MRC1: variants seen among roughly 807,000 people sequenced by gnomAD.
The protein encoded by MRC1 is macrophage mannose receptor 1.
Under a neutral mutation model 102.9 loss-of-function variants are expected in MRC1, and 62 were observed. That is an observed-to-expected ratio of 0.60 (90% confidence interval 0.49 to 0.74). The LOEUF (loss-of-function observed/expected upper bound fraction) is 0.74, where lower values mean the gene tolerates loss of function less well. Ranked by LOEUF, MRC1 falls within the 30% of genes least tolerant of loss-of-function variation. The pLI is 0.00. For missense variants in MRC1, 1,237 were observed against 862.8 expected (o/e 1.43, Z -5.43); for synonymous variants, 457 against 298.4 (o/e 1.53, Z -5.48).
chr10:17,814,343 AT>A (rs1838273185), intron 1 of MRC1, among the ~76,000 whole-genome samples: 6 of 152,238 alleles, frequency 3.9e-5, no homozygotes, highest in African/African-American at 1.4e-4. Flanking sequence ...CTTTATCTGT[AT>A]CAATTTTTTT....
At chr10:17,851,545 T>C (rs966331862) in intron 7 of MRC1, among the ~76,000 whole-genome samples, 4 of 152,312 alleles carry the variant, frequency 2.6e-5, no homozygotes, top group African/African-American at 7.2e-5. Flanking sequence ...TCACATCTTA[T>C]ATATTTTTCT....
intron 22 of MRC1, among the ~76,000 whole-genome samples, chr10:17,891,800 C>T (rs964390695): frequency 6.6e-6 from 1 of 152,146 alleles, no homozygotes; most frequent in Non-Finnish European, 1.5e-5. Context: ...CTCCTAAAGA[C>T]TTCTGAAATA....
Position 17,878,676 on chromosome 10 carries a change from T to C in MRC1, c.2618+709T>C, listed in dbSNP as rs973371563. Among the ~76,000 whole-genome samples, 10 of 152,158 alleles carry C rather than the reference T, an allele frequency of 6.6e-5. No individual in the cohort carries two copies. The East Asian group carries it at 1.9e-3, about 29-fold the overall frequency. On this transcript the variant is annotated intron_variant, in intron 18 of 29. Transcript: ENST00000569591. ...TTCAAGGTCATTATTTTTATTATTATTATTTGAGAAAGGTCTTGCTCTGTT... is the reference window on the plus strand; with the variant it reads ...TTCAAGGTCATTATTTTTATTATTACTATTTGAGAAAGGTCTTGCTCTGTT...
intron 26 of MRC1, among the ~76,000 whole-genome samples, chr10:17,902,642 A>G (rs1472686625): frequency 4.6e-5 from 7 of 152,184 alleles, no homozygotes; most frequent in African/African-American, 1.7e-4. Flanking sequence ...CCCGTTAAAT[A>G]TTTTACTGAA....
At position 17,827,372 on chromosome 10, in the gene MRC1, C is replaced by CAAAAAAAAAAAAAAAAAAA. The variant is rs782616938; in HGVS notation, c.464-150_464-132dup. Among the ~76,000 whole-genome samples, 6 of 64,028 alleles carry CAAAAAAAAAAAAAAAAAAA rather than the reference C, an allele frequency of 9.4e-5. 2 individuals are homozygous for CAAAAAAAAAAAAAAAAAAA. The highest frequency in any genetic ancestry group is 1.1e-3 in the South Asian group (2 of 1,790). 42.0% of individuals were successfully genotyped at this position (64,028 alleles called of 152,430 possible). The stretch of plus-strand genomic sequence containing the variant: ...TAGAAGGAGAAGGAAAAAAAATACC[C>CAAAAAAAAAAAAAAAAAAA]AAAAAAAAAAAAAAAAAAAAAAAAA... On this transcript the variant is annotated intron_variant, in intron 2 of 29. Transcript: ENST00000569591.
intron 23 of MRC1, 78 bp downstream of exon 23, chr10:17,894,390 C>CTTTATT: frequency 1.7e-6 from 1 of 577,564 alleles, no homozygotes; most frequent in Non-Finnish European, 3.0e-6. Flanking sequence ...TTCTTTCTTT[C>CTTTATT]TTTCTTTTTT....
At position 17,878,481 on chromosome 10, in the gene MRC1, A is replaced by G. The variant is rs1055347834; in HGVS notation, c.2618+514A>G. On this transcript the variant is annotated intron_variant, in intron 18 of 29. Coordinates refer to ENST00000569591, the MANE Select transcript of MRC1 (RefSeq NM_002438.4). ...AGATATAGGAGCCAGAAAAAGCTGT[A>G]GGGACATGAGAAAATGAATACATTT... 4.6e-5 allele frequency among the ~76,000 whole-genome samples: 7 copies of G among 152,284 alleles called. No individual in the cohort carries two copies. In the East Asian group the frequency reaches 7.7e-4, roughly 17 times the overall value.
intron 10 of MRC1, chr10:17,862,968 A>C (rs1295695314): frequency 5.9e-5 from 9 of 153,490 alleles, no homozygotes; most frequent in African/African-American, 2.2e-4. Context: ...GTTGGAATTC[A>C]TGATTCTGCT....
rs1293153849 is a variant in MRC1 at position 17,811,157 on chromosome 10, C to T, written c.61+1631C>T. Among the ~76,000 whole-genome samples, 7 of 152,162 alleles carry T rather than the reference C, an allele frequency of 4.6e-5. No homozygotes were observed. In the East Asian group the frequency reaches 7.7e-4, roughly 17 times the overall value. On this transcript the variant is annotated intron_variant, in intron 1 of 29. Transcript: ENST00000569591. ...GAAATATTATCCCTCAACATTTAAT[C>T]GATTTGGAATATTTTCCCATTCATT... is the stretch of plus-strand genomic sequence containing the variant.
At chr10:17,873,948 G>A in intron 16 of MRC1, 123 bp downstream of exon 16, 2 of 729,202 alleles carry the variant, frequency 2.7e-6, no homozygotes, top group East Asian at 2.5e-5. Flanking sequence ...TAACCTTTGA[G>A]TGAGAACGTC....
At chr10:17,840,845 TA>T in intron 5 of MRC1, 39 bp downstream of exon 5, 1 of 780,782 alleles carries the variant, frequency 1.3e-6, no homozygotes, top group African/African-American at 1.7e-5. Flanking sequence ...AATCCAAATT[TA>T]AGTCATCTAG....
At chr10:17,889,428 T>C (rs1042139236) in intron 22 of MRC1, among the ~76,000 whole-genome samples, 119 of 152,274 alleles carry the variant, frequency 7.8e-4, no homozygotes, top group Non-Finnish European at 1.4e-3. Context: ...TTTTCTTTTC[T>C]TTTTTCTTTT....
chr10:17,909,279 T>G (rs1554844084), intron 28 of MRC1, 27 bp from the exon 29 acceptor site: 1 of 848,996 alleles, frequency 1.2e-6, no homozygotes, highest in African/African-American at 1.7e-5. Flanking sequence ...TCTGGGTTTT[T>G]ATAAATTTTT....
intron 10 of MRC1, among the ~76,000 whole-genome samples, chr10:17,861,977 C>G (rs2130661581): frequency 6.6e-6 from 1 of 152,258 alleles, no homozygotes; most frequent in African/African-American, 2.4e-5. Flanking sequence ...ATCACATGGA[C>G]ATAGAGGAGC....
Position 17,853,015 on chromosome 10 carries a change from T to C in MRC1, c.1298T>C (p.Met433Thr). The C allele has an allele frequency of 1.3e-6, 1 of 780,804 alleles. No individual in the cohort carries two copies. The allele number at this position is 780,804 out of a possible 1,614,324, so 48.4% of individuals were successfully genotyped here. The change falls in exon 8 of 30, where the codon ATG (methionine) becomes ACG (threonine). Residue 433 changes from methionine to threonine, a missense_variant. Transcript: ENST00000569591. Reference protein sequence around the residue: ...WIGLNDIKIQMYFEWSDGTPV... With the variant: ...WIGLNDIKIQTYFEWSDGTPV... The stretch of plus-strand genomic sequence containing the variant: ...GGCTTAAATGACATTAAGATTCAAA[T>C]GTACTTTGAGTGGAGTGATGGGACC...
At chr10:17,909,238 C>T (rs529219144) in intron 28 of MRC1, 68 bp from the exon 29 acceptor site, 59 of 778,758 alleles carry the variant, frequency 7.6e-5, no homozygotes, top group South Asian at 6.5e-4. Context: ...ATTTGTGAGC[C>T]AAATAATATT....
intron 1 of MRC1, among the ~76,000 whole-genome samples, chr10:17,811,469 T>A (rs1292201216): frequency 6.6e-6 from 1 of 152,190 alleles, no homozygotes; most frequent in Non-Finnish European, 1.5e-5. Context: ...AGAAGGGGGA[T>A]GCTGAAGATC....
chr10:17,864,553 C>G (rs1057212788), intron 11 of MRC1, among the ~76,000 whole-genome samples: 128 of 151,974 alleles, frequency 8.4e-4, no homozygotes, highest in African/African-American at 3.0e-3. Context: ...TGGAGGTCGG[C>G]CGCGGTGGCT....
intron 2 of MRC1, among the ~76,000 whole-genome samples, chr10:17,826,323 C>T (rs953105066): frequency 0.11 from 17,144 of 152,170 alleles, 1,236 homozygotes; most frequent in East Asian, 0.18. Context: ...CTGCCTCAGC[C>T]TCCTGAGTAG....
Sources: gnomAD v4.1 joint callset for allele counts (sites outside exome capture counted in the v4.1 genomes callset) on GRCh38, gnomAD v4.1.1 for gene constraint, MANE v1.5 for transcripts, NCBI Gene and HGNC (gene_info 2026-07-23, HGNC 2026-07-21) for gene names.